The following ATP2B1 variants were observed in gnomAD, a reference collection of about 807,000 sequenced individuals.
The protein encoded by ATP2B1 is ATPase plasma membrane Ca2+ transporting 1.
A neutral mutation model predicts 124.2 loss-of-function variants in ATP2B1; 14 were observed. The observed-to-expected ratio is 0.11, with a 90% CI of 0.07 to 0.18. The LOEUF (loss-of-function observed/expected upper bound fraction) is 0.18. Among genes scored for constraint, ATP2B1 ranks in the 10% least tolerant of loss-of-function variants. The pLI is 1.00. For synonymous variants in ATP2B1, 449 were observed against 492.4 expected, an observed-to-expected ratio of 0.91 and a Z score of 1.17; for missense variants, 763 against 1,466.1, an observed-to-expected ratio of 0.52 and a Z score of 7.83.
At chr12:89,646,872 G>A (rs1233905080) in intron 2 of ATP2B1, among the ~76,000 whole-genome samples, 1 of 152,010 alleles carries the variant, frequency 6.6e-6, no homozygotes, top group East Asian at 1.9e-4. Context: ...TAAGACAAGT[G>A]ACTTAATGAC....
chr12:89,610,096 G>T, intron 14 of ATP2B1, 53 bp from the exon 15 acceptor site: 1 of 1,465,992 alleles, frequency 6.8e-7, no homozygotes, highest in South Asian at 1.2e-5. Context: ...TTAATAAGAT[G>T]ATTCTGAAGA....
chr12:89,625,518 G>C (rs927898348), intron 8 of ATP2B1, among the ~76,000 whole-genome samples: 2 of 148,900 alleles, frequency 1.3e-5, no homozygotes, highest in African/African-American at 5.0e-5. Flanking sequence ...TTGGGATGTG[G>C]AGGGTTCAGT....
intron 3 of ATP2B1, among the ~76,000 whole-genome samples, chr12:89,641,347 G>A (rs949462588): frequency 6.6e-6 from 1 of 152,198 alleles, no homozygotes; most frequent in Non-Finnish European, 1.5e-5. Flanking sequence ...TGTACAGGTT[G>A]AGTATCCCTT....
intron 2 of ATP2B1, among the ~76,000 whole-genome samples, chr12:89,645,868 C>A (rs751210169): frequency 6.6e-6 from 1 of 152,106 alleles, no homozygotes; most frequent in Non-Finnish European, 1.5e-5. Context: ...TTAGAAAAAT[C>A]ACATAAATTG....
At chr12:89,641,194 T>C (rs1275227260) in intron 3 of ATP2B1, among the ~76,000 whole-genome samples, 2 of 152,016 alleles carry the variant, frequency 1.3e-5, no homozygotes, top group Non-Finnish European at 2.9e-5. Flanking sequence ...CCAGCAGAAC[T>C]ATTAATTTTA....
intron 20 of ATP2B1, chr12:89,598,545 G>C: frequency 6.4e-7 from 1 of 1,566,970 alleles, no homozygotes; most frequent in Non-Finnish European, 8.7e-7. Context: ...TTAGGTGTGT[G>C]AAGTAGGAAA....
chr12:89,616,307 C>T (rs920486179), intron 12 of ATP2B1, among the ~76,000 whole-genome samples: 2 of 152,118 alleles, frequency 1.3e-5, no homozygotes, highest in African/African-American at 4.8e-5. Flanking sequence ...TCCAATATGA[C>T]AACTACTAGC....
At chr12:89,679,860 T>C (rs996720480) in intron 1 of ATP2B1, among the ~76,000 whole-genome samples, 2 of 151,980 alleles carry the variant, frequency 1.3e-5, no homozygotes, top group East Asian at 1.9e-4. Flanking sequence ...TGAAAGGGAA[T>C]AGCAGCGGAA....
rs915170355 is a variant in ATP2B1, at chr12:89,588,200, G to A, written c.*2784C>T. 1 of 152,660 alleles carries A rather than the reference G, an allele frequency of 6.6e-6. No homozygotes were observed. The highest frequency in any genetic ancestry group is 1.9e-4 in the East Asian group (1 of 5,182). The allele number at this position is 152,660 out of a possible 1,614,324, so 9.5% of individuals were successfully genotyped here. On this transcript the variant is annotated 3_prime_UTR_variant, in exon 21 of 21. Coordinates refer to ENST00000428670, the MANE Select transcript of ATP2B1 (RefSeq NM_001366521.1). The stretch of plus-strand genomic sequence containing the variant: ...TCACGGTATCTCAGTTGGCTTACAC[G>A]TGTAAAAAGAAATTTTCAAAGAGCA...
At position 89,604,146 on chromosome 12, in the gene ATP2B1, A is replaced by G. The variant is rs375856218; in HGVS notation, c.2634+9T>C. 99 of 1,611,074 alleles carry G rather than the reference A, an allele frequency of 6.1e-5. No individual in the cohort carries two copies. Among genetic ancestry groups the G allele is most frequent in the Non-Finnish European group, 8.1e-5 (96 of 1,178,872 alleles). ...GTAAACAAGTTTTGATAGACAAGTC[A>G]TCACCTACTTGAGTAATGCAGGCGC... is the stretch of plus-strand genomic sequence containing the variant. On this transcript the variant is annotated intron_variant, in intron 16 of 20. Transcript: ENST00000428670.
chr12:89,599,443 T>G, intron 19 of ATP2B1, 144 bp from the exon 20 acceptor site: 1 of 869,836 alleles, frequency 1.1e-6, no homozygotes, highest in South Asian at 2.0e-5. Flanking sequence ...GATTAGTCTT[T>G]CTCTCCCAGA....
chr12:89,682,033 T>G lies in ATP2B1; in HGVS notation c.-221-25926A>C, dbSNP rs565634694. On this transcript the variant is annotated intron_variant, in intron 1 of 20. Transcript: ENST00000428670. Reference sequence around the variant, plus strand: ...TGAGAGCCAATGAAAATTAATTCAATGAAACAACTAAATATAAAAATCAAA... The same window carrying G: ...TGAGAGCCAATGAAAATTAATTCAAGGAAACAACTAAATATAAAAATCAAA... 1.8e-3 allele frequency among the ~76,000 whole-genome samples: 267 copies of G among 152,198 alleles called. 2 individuals are homozygous for G. The highest frequency in any genetic ancestry group is 6.3e-3 in the African/African-American group (261 of 41,552).
intron 12 of ATP2B1, among the ~76,000 whole-genome samples, chr12:89,615,567 T>C (rs1463892233): frequency 6.6e-6 from 1 of 152,196 alleles, no homozygotes; most frequent in Non-Finnish European, 1.5e-5. Flanking sequence ...TTTGAATCAA[T>C]TAGCTGATAA....
intron 20 of ATP2B1, among the ~76,000 whole-genome samples, chr12:89,595,491 CTT>C (rs963515284): frequency 8.6e-5 from 13 of 152,026 alleles, no homozygotes; most frequent in African/African-American, 3.1e-4. Flanking sequence ...AAAAAGGTCT[CTT>C]CAGAGATGTT....
At chr12:89,634,704 A>ACC in intron 5 of ATP2B1, 74 bp downstream of exon 5, 1 of 1,404,566 alleles carries the variant, frequency 7.1e-7, no homozygotes, top group Non-Finnish European at 9.6e-7. Flanking sequence ...GACTCTTAGG[A>ACC]AAATGGTGTT....
rs991232764 is a variant in ATP2B1, at chr12:89,603,664, T to C, written c.2848+48A>G. 5.1e-6 allele frequency: 8 copies of C among 1,566,688 alleles called. No homozygotes were observed. The highest frequency in any genetic ancestry group is 7.0e-6 in the Non-Finnish European group (8 of 1,138,910). ...ATTATAACATCTTGGATGATTAGCT[T>C]GGAAAAGAAACAATTAACTGAAGCT... On this transcript the variant is annotated intron_variant, in intron 17 of 20. Transcript: ENST00000428670. This position sits in a 1 kb window ranked among gnomAD's most constrained non-coding sequence, Gnocchi z 4.3.
intron 13 of ATP2B1, 63 bp downstream of exon 13, chr12:89,611,130 G>C (rs1177201550): frequency 1.1e-5 from 16 of 1,421,876 alleles, no homozygotes; most frequent in African/African-American, 1.4e-5. Flanking sequence ...TGTGTTTGTT[G>C]AGTTAAATTC....
At chr12:89,706,060 A>T (rs1354334257) in intron 1 of ATP2B1, among the ~76,000 whole-genome samples, 1 of 152,190 alleles carries the variant, frequency 6.6e-6, no homozygotes, top group Non-Finnish European at 1.5e-5. Context: ...CCTTATACTT[A>T]TGATTTGGGA....
chr12:89,644,982 A>C (rs1182222319), intron 2 of ATP2B1, among the ~76,000 whole-genome samples: 1 of 152,200 alleles, frequency 6.6e-6, no homozygotes, highest in East Asian at 1.9e-4. Context: ...CTAAACTACT[A>C]ACACACACAA....
Sources: gnomAD v4.1 joint callset for allele counts (sites outside exome capture counted in the v4.1 genomes callset) on GRCh38, gnomAD v4.1.1 for gene constraint, Gnocchi (gnomAD v3.1) non-coding constraint, MANE v1.5 for transcripts, NCBI Gene and HGNC (gene_info 2026-07-23, HGNC 2026-07-21) for gene names.